TBL1X: variants seen among roughly 807,000 people sequenced by gnomAD.
TBL1X encodes transducin beta like 1 X-linked, also known as F-box-like/WD repeat-containing protein TBL1X.
In TBL1X, 10 loss-of-function variants were observed where a neutral mutation model predicts 50.7. The ratio of observed to expected loss-of-function variants is 0.20; its 90% CI spans 0.12 to 0.33. TBL1X has a LOEUF of 0.33. TBL1X is among the 10% of genes least tolerant of loss of function. TBL1X has a pLI of 1.00. For synonymous variants in TBL1X, 190 were observed against 214.7 expected, an observed-to-expected ratio of 0.88 and a Z score of 1.01; for missense variants, 340 against 504.4, an observed-to-expected ratio of 0.67 and a Z score of 3.12.
intron 2 of TBL1X, among the ~76,000 whole-genome samples, chrX:9,613,326 C>G (rs781344033): frequency 5.4e-5 from 6 of 111,452 alleles, no homozygotes; most frequent in Non-Finnish European, 1.1e-4. Flanking sequence ...CCAGCACTCT[C>G]CCGTCCCACC....
At chrX:9,518,277 G>A (rs758528174) in intron 2 of TBL1X, among the ~76,000 whole-genome samples, 1 of 111,515 alleles carries the variant, frequency 9.0e-6, no homozygotes, top group African/African-American at 3.3e-5. Context: ...TGTCTGTCTT[G>A]CGAAGCCTAA....
At chrX:9,506,875 C>T (rs1361491577) in intron 2 of TBL1X, among the ~76,000 whole-genome samples, 1 of 111,893 alleles carries the variant, frequency 8.9e-6, no homozygotes, top group East Asian at 2.8e-4. Flanking sequence ...TGGTACCACT[C>T]CTTCAGAAAT....
intron 2 of TBL1X, among the ~76,000 whole-genome samples, chrX:9,558,745 A>G (rs73476809): frequency 0.033 from 3,603 of 110,548 alleles, 142 homozygotes; most frequent in African/African-American, 0.11. Flanking sequence ...ATATATTACA[A>G]TGGTGTTACT....
chrX:9,682,290 C>CA (rs1328794295), intron 5 of TBL1X, among the ~76,000 whole-genome samples: 1 of 111,906 alleles, frequency 8.9e-6, no homozygotes. Flanking sequence ...TTATATCCTC[C>CA]AAAAACACAG....
At chrX:9,626,809 A>C (rs2082695210) in intron 2 of TBL1X, among the ~76,000 whole-genome samples, 1 of 112,080 alleles carries the variant, frequency 8.9e-6, no homozygotes, top group African/African-American at 3.2e-5. Flanking sequence ...ATTGAATGTC[A>C]CCCAGACCTT....
At chrX:9,599,022 C>T (rs1167408831) in intron 2 of TBL1X, among the ~76,000 whole-genome samples, 1 of 109,557 alleles carries the variant, frequency 9.1e-6, no homozygotes, top group African/African-American at 3.3e-5. Flanking sequence ...CGGCTCACTG[C>T]AACCCCCGCC....
intron 2 of TBL1X, among the ~76,000 whole-genome samples, chrX:9,634,347 C>T (rs1459827134): frequency 9.0e-6 from 1 of 110,947 alleles, no homozygotes; most frequent in Non-Finnish European, 1.9e-5. Context: ...CTCACACGCT[C>T]CTGTACACAT....
intron 3 of TBL1X, among the ~76,000 whole-genome samples, chrX:9,642,185 C>T (rs191233755): frequency 1.4e-3 from 155 of 111,733 alleles, no homozygotes; most frequent in African/African-American, 5.0e-3. Context: ...TTGAATCCAG[C>T]ACACATTGGA....
chrX:9,688,961 T>C (rs111257596), intron 7 of TBL1X, among the ~76,000 whole-genome samples: 1,455 of 113,717 alleles, frequency 0.013, 10 homozygotes, highest in African/African-American at 0.043. Flanking sequence ...TATATCTGCA[T>C]GTGTATGTGC....
chrX:9,646,831 T>C (rs577298320), intron 3 of TBL1X, among the ~76,000 whole-genome samples: 72 of 112,420 alleles, frequency 6.4e-4, no homozygotes, highest in African/African-American at 2.1e-3. Context: ...CCTCCAGTGA[T>C]GTCAGAGGAG....
intron 12 of TBL1X, 23 bp from the exon 13 acceptor site, chrX:9,704,970 G>C (rs781415306): frequency 1.7e-6 from 2 of 1,211,048 alleles, no homozygotes; most frequent in Admixed American, 4.3e-5. Flanking sequence ...AGTAACTCCA[G>C]ATGTCCTCCC....
chrX:9,682,678 C>T (rs1038217863), intron 5 of TBL1X, among the ~76,000 whole-genome samples: 42 of 111,877 alleles, frequency 3.8e-4, no homozygotes, highest in Non-Finnish European at 7.5e-5. Flanking sequence ...GGCACTGATA[C>T]GGAAGCAGAG....
chrX:9,587,244 C>T (rs764051696), intron 2 of TBL1X, among the ~76,000 whole-genome samples: 104 of 111,962 alleles, frequency 9.3e-4, no homozygotes, highest in Non-Finnish European at 1.7e-3. Context: ...GTCTGCTGTC[C>T]GCGGCTTGCG....
intron 2 of TBL1X, among the ~76,000 whole-genome samples, chrX:9,516,422 C>T (rs1168945086): frequency 4.5e-5 from 5 of 111,681 alleles, no homozygotes; most frequent in African/African-American, 1.6e-4. Flanking sequence ...GGAAGATAAG[C>T]GAAAATACAG....
chrX:9,479,882 A>G (rs2081870261), intron 1 of TBL1X, among the ~76,000 whole-genome samples: 1 of 111,384 alleles, frequency 9.0e-6, no homozygotes, highest in Non-Finnish European at 1.9e-5. Context: ...TGTAACACGT[A>G]TAATTGAGAC....
chrX:9,669,061 A>G (rs1372334190), intron 5 of TBL1X, among the ~76,000 whole-genome samples: 1 of 112,063 alleles, frequency 8.9e-6, no homozygotes, highest in Non-Finnish European at 1.9e-5. Context: ...TATGTTTCAA[A>G]AAACTATAAA....
At chrX:9,640,970 A>G (rs1467617356) in intron 3 of TBL1X, among the ~76,000 whole-genome samples, 2 of 111,677 alleles carry the variant, frequency 1.8e-5, no homozygotes, top group Non-Finnish European at 3.8e-5. Flanking sequence ...AGCTATAACA[A>G]ATTTTTCTGG....
At chrX:9,509,223 TA>T (rs1176219555) in intron 2 of TBL1X, among the ~76,000 whole-genome samples, 30 of 104,237 alleles carry the variant, frequency 2.9e-4, no homozygotes, top group African/African-American at 9.1e-4. Context: ...CCGTCTCTAC[TA>T]AAAAAAAATA....
chrX:9,682,634 G>A (rs1354010450), intron 5 of TBL1X, among the ~76,000 whole-genome samples: 1 of 111,611 alleles, frequency 9.0e-6, no homozygotes, highest in Non-Finnish European at 1.9e-5. Context: ...TTTATTGCAA[G>A]GTCAGTTTGC....
Sources: allele counts gnomAD v4.1 joint callset (sites outside exome capture counted in the v4.1 genomes callset), GRCh38; gene constraint gnomAD v4.1.1; transcripts MANE v1.5; gene names NCBI Gene and HGNC (gene_info 2026-07-23, HGNC 2026-07-21).